The following IQCK variants were observed in gnomAD, a reference collection of about 807,000 sequenced individuals.
The protein encoded by IQCK is IQ motif containing K.
IQCK carries 29 observed loss-of-function variants against 28.1 expected under a neutral mutation model. The observed-to-expected ratio is 1.03, with a 90% CI of 0.77 to 1.41. IQCK has a LOEUF of 1.41. Among genes scored for constraint, IQCK ranks in the 40% most tolerant of loss-of-function variants. IQCK has a pLI of 0.00. For synonymous variants in IQCK, 113 were observed against 115.1 expected, an observed-to-expected ratio of 0.98 and a Z score of 0.12; for missense variants, 359 against 314.7, an observed-to-expected ratio of 1.14 and a Z score of -1.07.
intron 1 of IQCK, among the ~76,000 whole-genome samples, chr16:19,729,665 G>GA (rs1351732606): frequency 6.6e-6 from 1 of 150,502 alleles, no homozygotes; most frequent in African/African-American, 2.4e-5. Context: ...TTTTTTTTGA[G>GA]ATGGAGTCTC....
chr16:19,814,240 A>AAAC (rs1555520937), intron 7 of IQCK, among the ~76,000 whole-genome samples: 14 of 142,482 alleles, frequency 9.8e-5, no homozygotes, highest in African/African-American at 3.8e-4. Context: ...AAAAAAAAAA[A>AAAC]AAAAAACCAC....
intron 4 of IQCK, among the ~76,000 whole-genome samples, chr16:19,736,855 A>G (rs1978029084): frequency 6.6e-6 from 1 of 152,048 alleles, no homozygotes; most frequent in African/African-American, 2.4e-5. Flanking sequence ...ATGATTCAAA[A>G]TGATACTAAA....
At chr16:19,802,927 C>CAAG (rs1395614344) in intron 7 of IQCK, among the ~76,000 whole-genome samples, 2 of 152,156 alleles carry the variant, frequency 1.3e-5, no homozygotes, top group Admixed American at 1.3e-4. Flanking sequence ...GAGGAATAAA[C>CAAG]ACATACGACT....
chr16:19,727,404 C>T (rs1024055093), intron 1 of IQCK, among the ~76,000 whole-genome samples: 1 of 152,006 alleles, frequency 6.6e-6, no homozygotes, highest in Non-Finnish European at 1.5e-5. Context: ...CTGGGCAACA[C>T]GGTGAAACCC....
At chr16:19,775,244 AAG>A (rs1491457688) in intron 6 of IQCK, among the ~76,000 whole-genome samples, 2 of 150,740 alleles carry the variant, frequency 1.3e-5, no homozygotes, top group African/African-American at 2.5e-5. Flanking sequence ...AAAAAAAAAA[AAG>A]AAGACTTTTT....
intron 6 of IQCK, among the ~76,000 whole-genome samples, chr16:19,777,276 A>G (rs911079273): frequency 2.0e-5 from 3 of 152,284 alleles, no homozygotes; most frequent in South Asian, 2.1e-4. Context: ...GGTGAAAACA[A>G]AAGTGTCACT....
At chr16:19,777,039 C>T (rs888612799) in intron 6 of IQCK, among the ~76,000 whole-genome samples, 1 of 152,302 alleles carries the variant, frequency 6.6e-6, no homozygotes, top group Non-Finnish European at 1.5e-5. Flanking sequence ...CAAAAGTGCA[C>T]CACTGCCTTT....
chr16:19,762,917 G>C (rs1054434465), intron 4 of IQCK, among the ~76,000 whole-genome samples: 1 of 152,132 alleles, frequency 6.6e-6, no homozygotes, highest in South Asian at 2.1e-4. Context: ...TGGGGAGGCC[G>C]AGGTGGAAGG....
intron 4 of IQCK, among the ~76,000 whole-genome samples, chr16:19,748,276 T>C (rs1165768779): frequency 2.0e-5 from 3 of 151,976 alleles, no homozygotes; most frequent in African/African-American, 7.3e-5. Context: ...GGTTTCACCA[T>C]GTTGGCCAGG....
intron 6 of IQCK, among the ~76,000 whole-genome samples, chr16:19,768,458 C>T (rs2055273464): frequency 6.6e-6 from 1 of 152,090 alleles, no homozygotes; most frequent in African/African-American, 2.4e-5. Flanking sequence ...TTCAAATCTC[C>T]ACCACTGGCT....
At chr16:19,817,117 A>T (rs1210370901) in intron 7 of IQCK, among the ~76,000 whole-genome samples, 17 of 152,240 alleles carry the variant, frequency 1.1e-4, no homozygotes, top group Admixed American at 5.9e-4. Flanking sequence ...GCATTTTTTT[A>T]AAAAAACTGA....
intron 4 of IQCK, chr16:19,736,039 C>T (rs923493050): frequency 8.9e-6 from 4 of 451,182 alleles, no homozygotes; most frequent in Admixed American, 2.4e-5. Flanking sequence ...GCACTCCAGC[C>T]TGGGCAATAG....
intron 4 of IQCK, among the ~76,000 whole-genome samples, chr16:19,759,311 C>T (rs964349561): frequency 2.6e-5 from 4 of 152,070 alleles, no homozygotes; most frequent in Admixed American, 6.5e-5. Context: ...CAGGTTCAAG[C>T]GATTCTCCTC....
intron 4 of IQCK, among the ~76,000 whole-genome samples, chr16:19,750,566 A>G (rs2151698503): frequency 6.7e-6 from 1 of 149,164 alleles, no homozygotes; most frequent in African/African-American, 2.5e-5. Flanking sequence ...GATTCAAGCA[A>G]CTCTCCTATC....
At chr16:19,743,836 A>G (rs1203957543) in intron 4 of IQCK, among the ~76,000 whole-genome samples, 6 of 152,240 alleles carry the variant, frequency 3.9e-5, no homozygotes, top group Non-Finnish European at 2.9e-5. Flanking sequence ...CAAGCCTTTT[A>G]TTTAGGTTGT....
intron 2 of IQCK, among the ~76,000 whole-genome samples, chr16:19,732,765 A>G (rs1003435022): frequency 2.0e-5 from 3 of 152,004 alleles, no homozygotes; most frequent in African/African-American, 2.4e-5. Context: ...ACCCAGCACA[A>G]TTTTTTTTCT....
At position 19,733,692 on chromosome 16, in the gene IQCK, C is replaced by T. The variant is rs146287755; in HGVS notation, c.247-6C>T. On this transcript the variant is annotated splice_polypyrimidine_tract_variant and splice_region_variant and intron_variant, in intron 2 of 7. Transcript: ENST00000564186. ...GAATTGCCTCCCCTCCCCTGTCTGC[C>T]TCCAGGTTGCGCCAGTAGAGGAAAT... is the stretch of plus-strand genomic sequence containing the variant. The T allele has an allele frequency of 1.8e-4, 290 of 1,613,786 alleles. 2 individuals carry two copies. In the East Asian group the frequency reaches 6.4e-3, roughly 36 times the overall value.
downstream of IQCK, among the ~76,000 whole-genome samples, chr16:19,828,896 ATATATATTTT>A (rs1287096134): frequency 7.0e-3 from 922 of 131,300 alleles, 4 homozygotes; most frequent in Non-Finnish European, 0.011. Flanking sequence ...AATATATATT[ATATATATTTT>A]TATATATTTT....
downstream of IQCK, among the ~76,000 whole-genome samples, chr16:19,830,967 T>C (rs1427299804): frequency 6.6e-6 from 1 of 152,244 alleles, no homozygotes; most frequent in Non-Finnish European, 1.5e-5. Flanking sequence ...TGGGCTTTCA[T>C]GTAGGACCGT....
Sources: gnomAD v4.1 joint callset for allele counts (sites outside exome capture counted in the v4.1 genomes callset) on GRCh38, gnomAD v4.1.1 for gene constraint, MANE v1.5 for transcripts, NCBI Gene and HGNC (gene_info 2026-07-23, HGNC 2026-07-21) for gene names.